PPP2R3B: variants seen among roughly 807,000 people sequenced by gnomAD.
PPP2R3B encodes serine/threonine-protein phosphatase 2A regulatory subunit B'' subunit beta.
PPP2R3B carries 68 observed loss-of-function variants against 72.9 expected under a neutral mutation model. That is an observed-to-expected ratio of 0.93 (90% CI 0.77 to 1.14). PPP2R3B has a LOEUF of 1.14. PPP2R3B is among the 50% of genes most tolerant of loss of function. PPP2R3B has a pLI of 0.00. For missense variants in PPP2R3B, 1,018 were observed against 842.0 expected, an observed-to-expected ratio of 1.21 and a Z score of -2.59; for synonymous variants, 466 against 375.8, an observed-to-expected ratio of 1.24 and a Z score of -2.78.
At chrX:354,418 T>A (rs1309154911) in intron 2 of PPP2R3B, among the ~76,000 whole-genome samples, 1 of 152,272 alleles carries the variant, frequency 6.6e-6, no homozygotes, top group South Asian at 2.1e-4. Context: ...GGACCGGGGC[T>A]GCCTTCACAC....
At chrX:376,315 G>GC (rs907929539) in intron 1 of PPP2R3B, among the ~76,000 whole-genome samples, 19 of 92,892 alleles carry the variant, frequency 2.0e-4, no homozygotes, top group Non-Finnish European at 4.7e-4. Context: ...CAGTCCCACT[G>GC]CCCCCCTGGA....
chrX:350,897 C>T (rs769980817), intron 2 of PPP2R3B, among the ~76,000 whole-genome samples: 10 of 152,250 alleles, frequency 6.6e-5, no homozygotes, highest in South Asian at 6.2e-4. Context: ...CAGATGGGGA[C>T]GTCGGCTGCT....
intron 12 of PPP2R3B, chrX:337,089 T>TC (rs201371651): frequency 0.32 from 48,259 of 151,388 alleles, 7,890 homozygotes; most frequent in East Asian, 0.39. Flanking sequence ...TCCCTGGCTT[T>TC]TTTTTTTTGG....
At chrX:341,649 A>AC (rs1254186980) in intron 8 of PPP2R3B, 3 of 643,604 alleles carry the variant, frequency 4.7e-6, no homozygotes, top group African/African-American at 1.9e-5. Context: ...CCCGACAAGA[A>AC]CCCCCGACCT....
intron 2 of PPP2R3B, among the ~76,000 whole-genome samples, chrX:357,949 G>A (rs1219062003): frequency 6.6e-6 from 1 of 152,116 alleles, no homozygotes; most frequent in African/African-American, 2.4e-5. Context: ...CTCGCTGCAC[G>A]GCCACGGCTA....
chrX:372,721 G>T (rs183267504), intron 1 of PPP2R3B, among the ~76,000 whole-genome samples: 2 of 152,204 alleles, frequency 1.3e-5, no homozygotes, highest in Non-Finnish European at 2.9e-5. Context: ...CACTTTGGAA[G>T]GCCCAGGTGG....
chrX:375,816 A>AGGTGACACACGCCCTGTCCTGCCACGCTG (rs767273787), intron 1 of PPP2R3B, among the ~76,000 whole-genome samples: 45,480 of 151,420 alleles, frequency 0.3, 7,009 homozygotes, highest in African/African-American at 0.37. Flanking sequence ...CTGCCACGCC[A>AGGTGACACACGCCCTGTCCTGCCACGCTG]GGTGACACAC....
rs752778878 is a variant in PPP2R3B, at chrX:341,295, G to A, written c.1175+12C>T. On this transcript the variant is annotated intron_variant, in intron 9 of 12. Transcript: ENST00000390665. ...TCCACTGGGACAAACGCATGCCGCAGCAGGAACCCACCTGGTCGGTGTTTT... is the reference window on the plus strand; with the variant it reads ...TCCACTGGGACAAACGCATGCCGCAACAGGAACCCACCTGGTCGGTGTTTT... The A allele has an allele frequency of 8.1e-6, 13 of 1,612,266 alleles. No individual in the cohort carries two copies. Among genetic ancestry groups the A allele is most frequent in the South Asian group, 2.2e-5 (2 of 91,074 alleles).
At chrX:361,177 C>T (rs1399326209) in intron 2 of PPP2R3B, among the ~76,000 whole-genome samples, 1 of 152,254 alleles carries the variant, frequency 6.6e-6, no homozygotes, top group Non-Finnish European at 1.5e-5. Context: ...ACTCGCATTT[C>T]AGATGCTTAA....
chrX:374,235 C>T (rs2071940516), intron 1 of PPP2R3B, among the ~76,000 whole-genome samples: 1 of 152,180 alleles, frequency 6.6e-6, no homozygotes, highest in Admixed American at 6.5e-5. Context: ...CCCCCCCCTC[C>T]ACGACAACAC....
At position 340,937 on chromosome X, in the gene PPP2R3B, G is replaced by C. The variant is rs375039491; in HGVS notation, c.1179C>G (p.Ile393Met). Residue 393 changes from isoleucine (I) to methionine (M), a missense_variant, in exon 10 of 13, where the codon ATC becomes ATG. Transcript: ENST00000390665. Reference sequence around the variant, plus strand: ...GGTCCATGCAGCGGAACCAGTACTCGATGCTGCGGCACGGCGAGCTCTGTC... The same window carrying C: ...GGTCCATGCAGCGGAACCAGTACTCCATGCTGCGGCACGGCGAGCTCTGTC... ...SEEDKKTPTS[I>M]EYWFRCMDLD... 3 of 1,610,528 alleles carry C rather than the reference G, an allele frequency of 1.9e-6. No homozygotes were observed. Among genetic ancestry groups the C allele is most frequent in the South Asian group, 2.2e-5 (2 of 90,986 alleles).
rs1362350073 is a variant in PPP2R3B at position 386,350 on chromosome X, G to GA, written c.324+17dup. ...AGAGCCACCTGCGCAGTTGTTAGCA[G>GA]AAGGAAGAGTAACTTACTACTCTCG... On this transcript the variant is annotated intron_variant, in intron 1 of 12. Coordinates refer to ENST00000390665, the MANE Select transcript of PPP2R3B (RefSeq NM_013239.5). The GA allele has an allele frequency of 2.3e-6, 3 of 1,309,176 alleles. No individual in the cohort carries two copies. In the East Asian group the frequency reaches 8.4e-5, roughly 37 times the overall value. 81.1% of individuals were successfully genotyped at this position (1,309,176 alleles called of 1,614,324 possible). A position where few individuals can be genotyped will look rare whatever the true frequency, so the allele number is the denominator to read the frequency against.
At chrX:359,493 G>C (rs2071500447) in intron 2 of PPP2R3B, among the ~76,000 whole-genome samples, 1 of 152,182 alleles carries the variant, frequency 6.6e-6, no homozygotes. Flanking sequence ...GTAAATATTA[G>C]TTCTTTTCAT....
At position 386,445 on chromosome X, in the gene PPP2R3B, G is replaced by C; in HGVS notation, c.247C>G (p.Leu83Val). The change falls in exon 1 of 13, where the codon CTG becomes GTG. Residue 83 changes from leucine (L) to valine (V), a missense_variant. Physicochemically the swap from Leu to Val is conservative, Grantham distance 32. Coordinates refer to ENST00000390665, the MANE Select transcript of PPP2R3B (RefSeq NM_013239.5). ...GGGCTGGAGGCGGCGCCCAGGGGCA[G>C]CGCAGGGCCCGGCCCGGGGGTTCCC... is the stretch of plus-strand genomic sequence containing the variant. ...PPGTPGPGPALPLGAASSPRN... is the reference protein window; with the variant it reads ...PPGTPGPGPAVPLGAASSPRN... 7.6e-7 allele frequency: 1 copy of C among 1,318,408 alleles called. No homozygotes were observed. Among genetic ancestry groups the C allele is most frequent in the African/African-American group, 1.5e-5 (1 of 66,306 alleles). The allele number at this position is 1,318,408 out of a possible 1,614,324, so 81.7% of individuals were successfully genotyped here. A position where few individuals can be genotyped will look rare whatever the true frequency, so the allele number is the denominator to read the frequency against.
chrX:334,830 TTTACAACTGGG>T (rs1428613887), intron 12 of PPP2R3B: 1 of 332,282 alleles, frequency 3.0e-6, no homozygotes, highest in African/African-American at 2.1e-5. Context: ...GGGACCTGTG[TTTACAACTGGG>T]TCGTGGTGTC....
Position 360,915 on chromosome X carries a change from G to A in PPP2R3B, c.510+490C>T, listed in dbSNP as rs749932434. ...GGAAAGCAGGCGGCGAATGATGCAC[G>A]CCGCGCCGCAGCACTCAGGGTGAGT... On this transcript the variant is annotated intron_variant, in intron 2 of 12. Transcript: ENST00000390665. 1.4e-4 allele frequency among the ~76,000 whole-genome samples: 21 copies of A among 152,312 alleles called. No individual in the cohort carries two copies. In the East Asian group the frequency reaches 3.3e-3, roughly 24 times the overall value.
intron 2 of PPP2R3B, among the ~76,000 whole-genome samples, chrX:358,799 G>A (rs1203569410): frequency 6.6e-6 from 1 of 151,488 alleles, no homozygotes; most frequent in Non-Finnish European, 1.5e-5. Flanking sequence ...GAGGGGGGGT[G>A]GCCGCTGTGG....
intron 1 of PPP2R3B, among the ~76,000 whole-genome samples, chrX:378,012 A>C (rs1280029517): frequency 6.7e-6 from 1 of 149,798 alleles, no homozygotes; most frequent in Non-Finnish European, 1.5e-5. Flanking sequence ...ACTACTGTGT[A>C]CAGGGACGGG....
At chrX:367,124 G>A (rs140824140) in intron 1 of PPP2R3B, among the ~76,000 whole-genome samples, 2,019 of 152,242 alleles carry the variant, frequency 0.013, 20 homozygotes, top group Non-Finnish European at 0.022. Context: ...CAAAAGCTGA[G>A]GAAATGCAGC....
Sources: gnomAD v4.1 joint callset for allele counts (sites outside exome capture counted in the v4.1 genomes callset) on GRCh38, gnomAD v4.1.1 for gene constraint, MANE v1.5 for transcripts, NCBI Gene and HGNC (gene_info 2026-07-23, HGNC 2026-07-21) for gene names.